The following CNTNAP5 variants were observed in gnomAD, a reference collection of about 807,000 sequenced individuals.
CNTNAP5 encodes contactin associated protein family member 5.
Under a neutral mutation model 150.2 loss-of-function variants are expected in CNTNAP5, and 72 were observed. That is an observed-to-expected ratio of 0.48 (90% CI 0.40 to 0.58). The LOEUF (loss-of-function observed/expected upper bound fraction) is 0.58, where lower values mean the gene tolerates loss of function less well. Among genes scored for constraint, CNTNAP5 ranks in the 20% least tolerant of loss-of-function variants. The probability of loss-of-function intolerance (pLI) is 0.00; values close to 1 mark genes in which losing one functional copy is unlikely to be tolerated. For missense variants in CNTNAP5, 1,636 were observed against 1,626.2 expected (o/e 1.01, Z -0.10); for synonymous variants, 672 against 619.8 (o/e 1.08, Z -1.25).
chr2:124,232,052 G>T (rs899292237), intron 2 of CNTNAP5, among the ~76,000 whole-genome samples: 2 of 151,802 alleles, frequency 1.3e-5, no homozygotes, highest in Non-Finnish European at 2.9e-5. Flanking sequence ...GCCAGGTTGC[G>T]ATGACTTCTA....
At chr2:124,117,746 T>G (rs947908905) in intron 1 of CNTNAP5, among the ~76,000 whole-genome samples, 27 of 152,148 alleles carry the variant, frequency 1.8e-4, no homozygotes, top group African/African-American at 6.5e-4. Context: ...ATCACTTAAT[T>G]AAATACCAAT....
intron 8 of CNTNAP5, among the ~76,000 whole-genome samples, chr2:124,517,586 A>ATG (rs1694753160): frequency 1.6e-5 from 1 of 63,614 alleles, no homozygotes; most frequent in Non-Finnish European, 3.2e-5. Context: ...TGGTGATGGA[A>ATG]GATTGTGGTG....
chr2:124,620,107 G>C (rs13417879), intron 12 of CNTNAP5, among the ~76,000 whole-genome samples: 12,383 of 151,614 alleles, frequency 0.082, 668 homozygotes, highest in African/African-American at 0.15. Flanking sequence ...TCCCCACAGG[G>C]CTGTGAGCTC....
intron 21 of CNTNAP5, among the ~76,000 whole-genome samples, chr2:124,872,260 TA>T (rs1478338727): frequency 6.6e-6 from 1 of 152,084 alleles, no homozygotes; most frequent in Non-Finnish European, 1.5e-5. Context: ...GGCATTTCAT[TA>T]ATAGTTATTA....
intron 2 of CNTNAP5, among the ~76,000 whole-genome samples, chr2:124,232,442 G>C (rs958232815): frequency 2.6e-5 from 4 of 152,040 alleles, no homozygotes; most frequent in Non-Finnish European, 5.9e-5. Flanking sequence ...TAAACATTGT[G>C]GACATGTCCT....
intron 13 of CNTNAP5, among the ~76,000 whole-genome samples, chr2:124,679,017 A>G (rs916375462): frequency 2.0e-5 from 3 of 151,928 alleles, no homozygotes; most frequent in Admixed American, 6.7e-5. Context: ...AAACTCTGCA[A>G]CAAACCTGTT....
In CNTNAP5 at chr2:124,120,264, C is replaced by T. The variant is rs188939819; in HGVS notation, c.82+94532C>T. ...AGGTCCTCCCATCACCTCCCAGAGC[C>T]TAGGCTGAGCTGCAAAGGATAGAGA... On this transcript the variant is annotated intron_variant, in intron 1 of 23. Transcript: ENST00000682447. Among the ~76,000 whole-genome samples, 3 of 152,278 alleles carry T rather than the reference C, an allele frequency of 2.0e-5. No homozygotes were observed. In the East Asian group the frequency reaches 5.8e-4, roughly 29 times the overall value.
chr2:124,403,150 A>C (rs1054164991), intron 3 of CNTNAP5, among the ~76,000 whole-genome samples: 21 of 152,352 alleles, frequency 1.4e-4, no homozygotes, highest in African/African-American at 4.8e-4. Flanking sequence ...ATCCCTTTGA[A>C]AGTCATTCAG....
Position 124,504,497 on chromosome 2 carries a change from G to GC in CNTNAP5, c.1268_1269insC (p.Gly424TrpfsTer16). 1 of 1,613,834 alleles carries GC rather than the reference G, an allele frequency of 6.2e-7. No individual in the cohort carries two copies. Among genetic ancestry groups the GC allele is most frequent in the Non-Finnish European group, 8.5e-7 (1 of 1,179,830 alleles). On this transcript the variant is annotated frameshift_variant, in exon 8 of 24. Coordinates refer to ENST00000682447, the MANE Select transcript of CNTNAP5 (RefSeq NM_001367498.1). LOFTEE classifies it high-confidence loss of function. ...GGAACCCTGCTGCTGAGCCTGGAGG[G>GC]TGGAATCCTGAGACTCGTGATTCAG...
intron 3 of CNTNAP5, among the ~76,000 whole-genome samples, chr2:124,413,476 C>A (rs1345255494): frequency 1.5e-5 from 2 of 133,364 alleles, no homozygotes; most frequent in Non-Finnish European, 3.2e-5. Context: ...GACTTGGAAC[C>A]AACCCAAATG....
At chr2:124,308,269 C>A (rs1688739921) in intron 3 of CNTNAP5, among the ~76,000 whole-genome samples, 1 of 151,862 alleles carries the variant, frequency 6.6e-6, no homozygotes, top group Admixed American at 6.6e-5. Flanking sequence ...ACCTAAACTG[C>A]CAGTCTTGGT....
intron 3 of CNTNAP5, among the ~76,000 whole-genome samples, chr2:124,328,973 G>A (rs994720327): frequency 6.6e-6 from 1 of 152,140 alleles, no homozygotes; most frequent in Non-Finnish European, 1.5e-5. Flanking sequence ...ACTGAAAGAA[G>A]GGCCAGATGG....
intron 13 of CNTNAP5, among the ~76,000 whole-genome samples, chr2:124,686,066 T>G (rs1185108563): frequency 6.6e-6 from 1 of 152,150 alleles, no homozygotes; most frequent in East Asian, 1.9e-4. Context: ...CAGAATTTCT[T>G]GTCATACTAC....
intron 3 of CNTNAP5, among the ~76,000 whole-genome samples, chr2:124,351,478 C>T (rs1689873819): frequency 6.6e-6 from 1 of 152,104 alleles, no homozygotes. Flanking sequence ...TCATCTGTAG[C>T]CATGGACAAG....
At chr2:124,117,399 T>G (rs1011775199) in intron 1 of CNTNAP5, among the ~76,000 whole-genome samples, 1 of 152,174 alleles carries the variant, frequency 6.6e-6, no homozygotes, top group Non-Finnish European at 1.5e-5. Context: ...GAGTCCTTAA[T>G]ACCTAGAGCA....
chr2:124,520,707 G>A (rs74317919), intron 8 of CNTNAP5, among the ~76,000 whole-genome samples: 4,076 of 152,126 alleles, frequency 0.027, 90 homozygotes, highest in Non-Finnish European at 0.038. Context: ...TATCCTGCTC[G>A]TCTCTCCTAA....
chr2:124,575,918 C>T (rs900126177), intron 11 of CNTNAP5, among the ~76,000 whole-genome samples: 2 of 152,176 alleles, frequency 1.3e-5, no homozygotes, highest in Non-Finnish European at 2.9e-5. Context: ...CCACAACCTC[C>T]GTTAGGCTTT....
chr2:124,125,260 A>C (rs78537563), intron 1 of CNTNAP5, among the ~76,000 whole-genome samples: 7 of 152,228 alleles, frequency 4.6e-5, no homozygotes, highest in African/African-American at 1.7e-4. Context: ...AAGGGTTGCA[A>C]TCCTAGTCTC....
rs1033047525 is a variant in CNTNAP5 at position 124,707,048 on chromosome 2, G to A, written c.2078-40181G>A. Among the ~76,000 whole-genome samples, 126 of 110,376 alleles carry A rather than the reference G, an allele frequency of 1.1e-3. 4 individuals are homozygous for A. The highest frequency in any genetic ancestry group is 4.6e-3 in the African/African-American group (116 of 25,338). 72.4% of individuals were successfully genotyped at this position (110,376 alleles called of 152,430 possible). On this transcript the variant is annotated intron_variant, in intron 13 of 23. Transcript: ENST00000682447. ...GAAGAAGAAGAAGAAGAAGGAGGAGGAGGAGGAGGAGGAGAGGAAGAGGAA... is the reference window on the plus strand; with the variant it reads ...GAAGAAGAAGAAGAAGAAGGAGGAGAAGGAGGAGGAGGAGAGGAAGAGGAA...
Sources: allele counts gnomAD v4.1 joint callset (sites outside exome capture counted in the v4.1 genomes callset), GRCh38; gene constraint gnomAD v4.1.1; transcripts MANE v1.5; gene names NCBI Gene and HGNC (gene_info 2026-07-23, HGNC 2026-07-21).